The following MYO5A variants were observed in gnomAD, a reference collection of about 807,000 sequenced individuals.
MYO5A encodes the protein unconventional myosin-Va.
In MYO5A, 98 loss-of-function variants were observed where a neutral mutation model predicts 249.7. That is an observed-to-expected ratio of 0.39 (90% CI 0.33 to 0.46). The LOEUF (loss-of-function observed/expected upper bound fraction) is 0.46, where lower values mean the gene tolerates loss of function less well. Among genes scored for constraint, MYO5A ranks in the 20% least tolerant of loss-of-function variants. MYO5A has a pLI of 0.98. For missense variants in MYO5A, 1,696 were observed against 2,308.8 expected (o/e 0.73, Z 5.44); for synonymous variants, 778 against 810.6 (o/e 0.96, Z 0.68).
intron 6 of MYO5A, among the ~76,000 whole-genome samples, chr15:52,409,331 T>A (rs2043146533): frequency 1.3e-5 from 2 of 152,168 alleles, no homozygotes. Flanking sequence ...TTCTTTCTTC[T>A]GGTTATCAAA....
chr15:52,313,463 G>T lies in MYO5A; in HGVS notation c.*233C>A. On this transcript the variant is annotated 3_prime_UTR_variant, in exon 42 of 42. Coordinates refer to ENST00000399233, the MANE Select transcript of MYO5A (RefSeq NM_001382347.1). ...TCATTCTCCTGTATGTAAACTCACGGTACCTAGTTGGTTAAGGATGAGTGT... is the reference window on the plus strand; with the variant it reads ...TCATTCTCCTGTATGTAAACTCACGTTACCTAGTTGGTTAAGGATGAGTGT... 1.9e-6 allele frequency: 1 copy of T among 533,946 alleles called. No individual in the cohort carries two copies. The highest frequency in any genetic ancestry group is 3.3e-6 in the Non-Finnish European group (1 of 299,262). The allele number at this position is 533,946 out of a possible 1,614,324, so 33.1% of individuals were successfully genotyped here.
chr15:52,482,864 G>A (rs1021836418), intron 1 of MYO5A, among the ~76,000 whole-genome samples: 12 of 152,128 alleles, frequency 7.9e-5, no homozygotes, highest in Non-Finnish European at 1.2e-4. Flanking sequence ...CAACCTGCCC[G>A]TGGCTCTTCC....
chr15:52,396,999 T>C (rs2042517508), intron 10 of MYO5A, among the ~76,000 whole-genome samples: 1 of 152,248 alleles, frequency 6.6e-6, no homozygotes, highest in Non-Finnish European at 1.5e-5. Flanking sequence ...TAGCTCTAGA[T>C]GTGAACTATT....
intron 34 of MYO5A, among the ~76,000 whole-genome samples, chr15:52,335,025 T>C (rs1431967951): frequency 3.9e-5 from 6 of 152,214 alleles, no homozygotes; most frequent in Non-Finnish European, 8.8e-5. Flanking sequence ...GTTGGAGGAA[T>C]GAAAACCACA....
At chr15:52,458,839 T>A (rs1308626782) in intron 1 of MYO5A, among the ~76,000 whole-genome samples, 1 of 152,102 alleles carries the variant, frequency 6.6e-6, no homozygotes, top group Non-Finnish European at 1.5e-5. Flanking sequence ...GGTACCATTT[T>A]CAACTGTCAA....
At chr15:52,457,756 T>TG (rs2076148739) in intron 1 of MYO5A, among the ~76,000 whole-genome samples, 1 of 152,176 alleles carries the variant, frequency 6.6e-6, no homozygotes, top group African/African-American at 2.4e-5. Flanking sequence ...ATCCCACTTC[T>TG]GGGTATTTAT....
At position 52,353,658 on chromosome 15, in the gene MYO5A, C is replaced by A; in HGVS notation, c.3568G>T (p.Glu1190Ter). The A allele has an allele frequency of 1.9e-6, 3 of 1,613,220 alleles. No individual in the cohort carries two copies. The highest frequency in any genetic ancestry group is 2.5e-6 in the Non-Finnish European group (3 of 1,179,162). Reference protein sequence around the residue: ...EEQVLRSKAKEEERPQIRGAE... With the variant: ...EEQVLRSKAK ...CCTCTAATTTGTGGTCTTTCTTCTT[C>A]CTAGGGAAAAGTTAAAGTTTTATAT... The change falls in exon 27 of 42, where the codon GAA becomes TAA. Residue 1190 changes from glutamate (E) to a stop codon, truncating the protein, a stop_gained and splice_region_variant. Transcript: ENST00000399233. LOFTEE classifies it high-confidence loss of function.
chr15:52,355,057 A>G (rs570680807), intron 25 of MYO5A, among the ~76,000 whole-genome samples: 4 of 152,248 alleles, frequency 2.6e-5, no homozygotes, highest in Admixed American at 6.5e-5. Context: ...AGAAGACGGA[A>G]TGTACTATGG....
At chr15:52,508,398 T>G (rs1420103718) in intron 1 of MYO5A, among the ~76,000 whole-genome samples, 1 of 146,402 alleles carries the variant, frequency 6.8e-6, no homozygotes. Flanking sequence ...AAAAAAAAAG[T>G]AGAACTAACC....
intron 15 of MYO5A, 136 bp downstream of exon 15, chr15:52,384,025 G>T: frequency 2.0e-6 from 2 of 997,140 alleles, no homozygotes; most frequent in Non-Finnish European, 3.0e-6. Context: ...AGTGGATGGT[G>T]TCGTATGATC....
At chr15:52,410,156 G>C (rs1439366088) in intron 6 of MYO5A, among the ~76,000 whole-genome samples, 177 bp downstream of exon 6, 3 of 152,156 alleles carry the variant, frequency 2.0e-5, no homozygotes, top group Admixed American at 6.5e-5. Flanking sequence ...CATTTAAGTG[G>C]TACTCCCTTG....
chr15:52,394,257 G>A (rs148269756), intron 11 of MYO5A, among the ~76,000 whole-genome samples: 1 of 152,192 alleles, frequency 6.6e-6, no homozygotes, highest in African/African-American at 2.4e-5. Context: ...GGTACATGAG[G>A]GCAGTCTCCT....
At chr15:52,517,886 GTT>G (rs2077526996) in intron 1 of MYO5A, among the ~76,000 whole-genome samples, 1 of 151,670 alleles carries the variant, frequency 6.6e-6, no homozygotes, top group Admixed American at 6.6e-5. Flanking sequence ...GGTATAATTA[GTT>G]TATTTTAACT....
At position 52,484,419 on chromosome 15, in the gene MYO5A, C is replaced by T. The variant is rs112234107; in HGVS notation, c.27+44361G>A. Among the ~76,000 whole-genome samples, 15 of 152,146 alleles carry T rather than the reference C, an allele frequency of 9.9e-5. No homozygotes were observed. The East Asian group carries it at 1.4e-3, about 14-fold the overall frequency. ...GATATTAAAGACAAAAGTATTTTGC[C>T]CTCCTAATCCTTTTTATTACCAGAA... On this transcript the variant is annotated intron_variant, in intron 1 of 41. Transcript: ENST00000399233.
intron 1 of MYO5A, among the ~76,000 whole-genome samples, chr15:52,475,188 G>A (rs1193451899): frequency 6.6e-6 from 1 of 152,194 alleles, no homozygotes; most frequent in African/African-American, 2.4e-5. Context: ...GGTGTTTACA[G>A]TATTCTCTGA....
In MYO5A at chr15:52,376,495, G is replaced by C; in HGVS notation, c.2272C>G (p.Leu758Val). The C allele has an allele frequency of 6.2e-7, 1 of 1,614,164 alleles. No individual in the cohort carries two copies. The highest frequency in any genetic ancestry group is 8.5e-7 in the Non-Finnish European group (1 of 1,180,026). The change falls in exon 19 of 42, where the codon CTA (leucine) becomes GTA (valine). Residue 758 changes from leucine (L) to valine (V), a missense_variant. Coordinates refer to ENST00000399233, the MANE Select transcript of MYO5A (RefSeq NM_001382347.1). ...IFFRAGQVAY[L>V]EKLRADKLRA... ...AGTTTGTCAGCTCTCAATTTTTCTAGATAGGCCACTTGACCGGCACGGAAA... is the reference window on the plus strand; with the variant it reads ...AGTTTGTCAGCTCTCAATTTTTCTACATAGGCCACTTGACCGGCACGGAAA...
chr15:52,313,775 G>T lies in MYO5A; in HGVS notation c.5564C>A (p.Pro1855His). The T allele has an allele frequency of 1.2e-6, 2 of 1,614,134 alleles. No individual in the cohort carries two copies. Among genetic ancestry groups the T allele is most frequent in the Non-Finnish European group, 1.7e-6 (2 of 1,180,008 alleles). Residue 1855 changes from proline to histidine, a missense_variant, in exon 42 of 42, where the codon CCT (proline) becomes CAT (histidine). Transcript: ENST00000399233. ...TAGTGCGAGGGAAGATGGGTTGAAA[G>T]GAAAGGTGACAGGAAAGATGTGTTT... ...DAKHIFPVTFPFNPSSLALET... is the reference protein window; with the variant it reads ...DAKHIFPVTFHFNPSSLALET...
At chr15:52,377,656 C>T (rs1025247023) in intron 18 of MYO5A, among the ~76,000 whole-genome samples, 54 of 151,424 alleles carry the variant, frequency 3.6e-4, no homozygotes, top group Admixed American at 1.4e-3. Flanking sequence ...CTGCAGCCTC[C>T]GCCTTCTGGG....
intron 6 of MYO5A, among the ~76,000 whole-genome samples, chr15:52,408,468 C>A (rs749770331): frequency 9.2e-5 from 14 of 151,536 alleles, no homozygotes; most frequent in Non-Finnish European, 1.9e-4. Context: ...TTGCAATACT[C>A]AATACTATTT....
Sources: allele counts gnomAD v4.1 joint callset (sites outside exome capture counted in the v4.1 genomes callset), GRCh38; gene constraint gnomAD v4.1.1; transcripts MANE v1.5; gene names NCBI Gene and HGNC (gene_info 2026-07-23, HGNC 2026-07-21).